The following FTCDNL1 variants were observed in gnomAD, a reference collection of about 807,000 sequenced individuals.
The protein encoded by FTCDNL1 is formiminotransferase N-terminal subdomain-containing protein.
FTCDNL1 carries 11 observed loss-of-function variants against 5.9 expected under a neutral mutation model. That is an observed-to-expected ratio of 1.87 (90% confidence interval 1.18 to 3.10). The LOEUF (loss-of-function observed/expected upper bound fraction) is 3.10. FTCDNL1 is among the 30% of genes most tolerant of loss of function. The pLI is 0.00. For synonymous variants in FTCDNL1, 58 were observed against 24.8 expected, an observed-to-expected ratio of 2.34 and a Z score of -3.99; for missense variants, 115 against 65.5, an observed-to-expected ratio of 1.76 and a Z score of -2.61.
intron 3 of FTCDNL1, among the ~76,000 whole-genome samples, chr2:199,782,157 T>G (rs866919642): frequency 1.3e-5 from 2 of 152,216 alleles, no homozygotes; most frequent in African/African-American, 4.8e-5. Flanking sequence ...GGCCACTATT[T>G]GTGAATTTGT....
downstream of FTCDNL1, among the ~76,000 whole-genome samples, chr2:199,805,820 GA>G (rs1338619505): frequency 6.6e-6 from 1 of 151,998 alleles, no homozygotes; most frequent in Non-Finnish European, 1.5e-5. Context: ...TTGGGTGGCT[GA>G]GGTGGGAGGA....
chr2:199,679,063 C>T, the FTCDNL1 span, among the ~76,000 whole-genome samples: 1 of 152,042 alleles, frequency 6.6e-6, no homozygotes, highest in Non-Finnish European at 1.5e-5. Context: ...AATGAGGACC[C>T]ATCTTACCGG....
chr2:199,686,762 A>G, the FTCDNL1 span, among the ~76,000 whole-genome samples: 7 of 152,204 alleles, frequency 4.6e-5, no homozygotes, highest in Admixed American at 2.0e-4. Context: ...TAAGCGATAG[A>G]TGGTTATTAC....
At chr2:199,748,195 G>A in the FTCDNL1 span, among the ~76,000 whole-genome samples, 1 of 152,064 alleles carries the variant, frequency 6.6e-6, no homozygotes, top group Non-Finnish European at 1.5e-5. Flanking sequence ...TATAAGAAAA[G>A]GAAACTCATT....
At chr2:199,727,659 G>A in the FTCDNL1 span, among the ~76,000 whole-genome samples, 1 of 152,062 alleles carries the variant, frequency 6.6e-6, no homozygotes, top group Non-Finnish European at 1.5e-5. Flanking sequence ...TTCACTTGCT[G>A]TTTTTGTTCT....
the FTCDNL1 span, among the ~76,000 whole-genome samples, chr2:199,735,896 C>G: frequency 6.6e-6 from 1 of 152,104 alleles, no homozygotes; most frequent in Admixed American, 6.5e-5. Context: ...ATTTTTCCCT[C>G]AAAGACTCAC....
intron 3 of FTCDNL1, among the ~76,000 whole-genome samples, chr2:199,832,545 G>T (rs1184761595): frequency 6.6e-6 from 1 of 152,156 alleles, no homozygotes; most frequent in Non-Finnish European, 1.5e-5. Context: ...GTCTGCTATA[G>T]AACTTAAATT....
chr2:199,724,910 A>G, the FTCDNL1 span, among the ~76,000 whole-genome samples: 1 of 151,928 alleles, frequency 6.6e-6, no homozygotes, highest in African/African-American at 2.4e-5. Flanking sequence ...CACTTGATCC[A>G]CAGCTGAGTT....
intron 3 of FTCDNL1, among the ~76,000 whole-genome samples, chr2:199,780,892 G>A (rs1331776550): frequency 2.0e-5 from 3 of 152,160 alleles, no homozygotes; most frequent in Admixed American, 6.5e-5. Context: ...TGTGCCTGCT[G>A]TTCTCTTGTG....
chr2:199,793,504 G>A (rs1314101096), intron 3 of FTCDNL1, among the ~76,000 whole-genome samples: 1 of 151,586 alleles, frequency 6.6e-6, no homozygotes, highest in African/African-American at 2.4e-5. Flanking sequence ...GAAGTTTGGT[G>A]CAGTCCGTTT....
At chr2:199,672,722 G>A in the FTCDNL1 span, among the ~76,000 whole-genome samples, 1 of 151,982 alleles carries the variant, frequency 6.6e-6, no homozygotes, top group African/African-American at 2.4e-5. Flanking sequence ...CTCTCTGCTT[G>A]TTCTCTGCAT....
intron 3 of FTCDNL1, among the ~76,000 whole-genome samples, chr2:199,779,517 CT>C (rs1559179898): frequency 6.6e-6 from 1 of 152,124 alleles, no homozygotes; most frequent in African/African-American, 2.4e-5. Context: ...CCCCCTCCAC[CT>C]TCCACATGTG....
intron 4 of FTCDNL1, among the ~76,000 whole-genome samples, chr2:199,817,404 T>C (rs1012481239): frequency 6.6e-6 from 1 of 152,266 alleles, no homozygotes; most frequent in Non-Finnish European, 1.5e-5. Flanking sequence ...TGTGCCAATT[T>C]TGGCATCTTA....
the FTCDNL1 span, among the ~76,000 whole-genome samples, chr2:199,725,661 T>C: frequency 6.6e-6 from 1 of 152,190 alleles, no homozygotes; most frequent in Non-Finnish European, 1.5e-5. Flanking sequence ...TTTGGCCAGA[T>C]ATGAAATTCT....
chr2:199,713,173 T>C, the FTCDNL1 span, among the ~76,000 whole-genome samples: 1 of 152,210 alleles, frequency 6.6e-6, no homozygotes. Flanking sequence ...TCATGAGTGC[T>C]ATTCTACTTT....
chr2:199,737,676 A>C, the FTCDNL1 span, among the ~76,000 whole-genome samples: 1 of 152,194 alleles, frequency 6.6e-6, no homozygotes, highest in Non-Finnish European at 1.5e-5. Context: ...CTGGGCACAG[A>C]GCTGGCTTCA....
chr2:199,826,092 A>G (rs1466721779), intron 3 of FTCDNL1, among the ~76,000 whole-genome samples: 1 of 152,222 alleles, frequency 6.6e-6, no homozygotes, highest in Non-Finnish European at 1.5e-5. Context: ...GGCCCTGCCC[A>G]GCTCTTTGCC....
At chr2:199,822,054 T>C (rs912881817) in intron 3 of FTCDNL1, among the ~76,000 whole-genome samples, 1 of 152,216 alleles carries the variant, frequency 6.6e-6, no homozygotes, top group Non-Finnish European at 1.5e-5. Context: ...CTGTAATCTC[T>C]TAAGTGTTTA....
chr2:199,789,109 T>C (rs925871944), intron 3 of FTCDNL1, among the ~76,000 whole-genome samples: 2 of 151,696 alleles, frequency 1.3e-5, no homozygotes, highest in East Asian at 1.9e-4. Flanking sequence ...TTCCAGACTC[T>C]AGAAAAAAAG....
Sources: allele counts gnomAD v4.1 joint callset (sites outside exome capture counted in the v4.1 genomes callset), GRCh38; gene constraint gnomAD v4.1.1; transcripts MANE v1.5; gene names NCBI Gene and HGNC (gene_info 2026-07-23, HGNC 2026-07-21).